Variants in PTPRT observed in about 807,000 individuals in gnomAD.
PTPRT encodes the protein protein tyrosine phosphatase receptor type T.
PTPRT carries 56 observed loss-of-function variants against 176.8 expected under a neutral mutation model. That is an observed-to-expected ratio of 0.32 (90% confidence interval 0.26 to 0.40). The LOEUF (loss-of-function observed/expected upper bound fraction) is 0.40. Among genes scored for constraint, PTPRT ranks in the 10% least tolerant of loss-of-function variants. PTPRT has a pLI of 1.00. For missense variants in PTPRT, 1,540 were observed against 1,908.2 expected, an observed-to-expected ratio of 0.81 and a Z score of 3.60; for synonymous variants, 783 against 739.0, an observed-to-expected ratio of 1.06 and a Z score of -0.96.
At chr20:42,057,510 A>C in the PTPRT span, among the ~76,000 whole-genome samples, 4 of 152,066 alleles carry the variant, frequency 2.6e-5, no homozygotes, top group African/African-American at 4.8e-5. Context: ...GATTAGATGA[A>C]CTCTAAGACA....
intron 15 of PTPRT, among the ~76,000 whole-genome samples, chr20:42,223,432 G>A (rs944391063): frequency 1.3e-5 from 2 of 152,108 alleles, no homozygotes; most frequent in Non-Finnish European, 2.9e-5. Flanking sequence ...TGCTCTTTTC[G>A]CTACAATGCT....
chr20:42,402,521 G>A (rs545916927), intron 9 of PTPRT, among the ~76,000 whole-genome samples: 22 of 144,266 alleles, frequency 1.5e-4, no homozygotes, highest in African/African-American at 5.3e-4. Context: ...AAAAGTCAGC[G>A]ACAGCTAAAG....
At chr20:42,270,365 C>G in intron 13 of PTPRT, 1 of 1,124,326 alleles carries the variant, frequency 8.9e-7, no homozygotes, top group African/African-American at 1.5e-5. Flanking sequence ...GGCAACTCTC[C>G]CCTCCCACCC....
At chr20:42,113,065 C>A (rs1283932765) in intron 22 of PTPRT, among the ~76,000 whole-genome samples, 8 of 152,124 alleles carry the variant, frequency 5.3e-5, no homozygotes, top group Admixed American at 3.3e-4. Flanking sequence ...TTCCAGGTTC[C>A]CAGCTCAGGA....
chr20:42,600,020 A>C (rs1451458844), intron 7 of PTPRT, among the ~76,000 whole-genome samples: 2 of 152,246 alleles, frequency 1.3e-5, no homozygotes, highest in Non-Finnish European at 1.5e-5. Context: ...GATGTAACCT[A>C]ACTAGTTCAG....
intron 2 of PTPRT, among the ~76,000 whole-genome samples, chr20:42,825,967 T>C (rs1228987608): frequency 6.6e-6 from 1 of 151,706 alleles, no homozygotes; most frequent in Non-Finnish European, 1.5e-5. Context: ...TACCTGAAAA[T>C]CTGTATAAGA....
intron 1 of PTPRT, among the ~76,000 whole-genome samples, chr20:42,894,782 A>T (rs2079264295): frequency 6.6e-6 from 1 of 152,194 alleles, no homozygotes; most frequent in Non-Finnish European, 1.5e-5. Context: ...CCAGGATGCC[A>T]ATCTGCACTT....
intron 5 of PTPRT, among the ~76,000 whole-genome samples, chr20:42,760,827 T>C (rs1188310640): frequency 6.6e-6 from 1 of 152,230 alleles, no homozygotes; most frequent in Admixed American, 6.5e-5. Flanking sequence ...GTTGATAGTC[T>C]GAGGTTTTTC....
chr20:42,850,901 A>G (rs1261102266), intron 2 of PTPRT, among the ~76,000 whole-genome samples: 1 of 152,174 alleles, frequency 6.6e-6, no homozygotes, highest in East Asian at 1.9e-4. Context: ...GAAAACTCAC[A>G]GATGGGAAAA....
At chr20:42,122,116 C>A (rs1158877678) in intron 19 of PTPRT, among the ~76,000 whole-genome samples, 1 of 152,138 alleles carries the variant, frequency 6.6e-6, no homozygotes, top group Non-Finnish European at 1.5e-5. Context: ...TATACTTCAC[C>A]ACTGTGCAAT....
intron 15 of PTPRT, among the ~76,000 whole-genome samples, chr20:42,208,176 T>C (rs4810353): frequency 0.93 from 88,630 of 95,618 alleles, 41,452 homozygotes; most frequent in Non-Finnish European, 0.99. Flanking sequence ...CGGTACCAGC[T>C]GCTGCAAAAT....
At chr20:43,082,059 T>G (rs1177808964) in intron 1 of PTPRT, among the ~76,000 whole-genome samples, 1 of 152,204 alleles carries the variant, frequency 6.6e-6, no homozygotes, top group East Asian at 1.9e-4. Context: ...CATCTGGTAT[T>G]GAAACTGCTA....
At chr20:42,639,981 T>C (rs1056308724) in intron 7 of PTPRT, among the ~76,000 whole-genome samples, 4 of 152,108 alleles carry the variant, frequency 2.6e-5, no homozygotes, top group African/African-American at 9.7e-5. Flanking sequence ...TAACCTGCCA[T>C]CTGTCAGCAG....
intron 6 of PTPRT, among the ~76,000 whole-genome samples, chr20:42,680,266 A>C (rs1167432329): frequency 6.6e-6 from 1 of 152,200 alleles, no homozygotes; most frequent in African/African-American, 2.4e-5. Flanking sequence ...CTTAAGGGAC[A>C]ACTCCAGATT....
intron 18 of PTPRT, among the ~76,000 whole-genome samples, chr20:42,139,344 G>A (rs189540041): frequency 6.6e-6 from 1 of 152,188 alleles, no homozygotes; most frequent in Non-Finnish European, 1.5e-5. Context: ...CTCCATTTGG[G>A]TTCCTCAGAA....
At chr20:43,120,437 A>T (rs1051951778) in intron 1 of PTPRT, among the ~76,000 whole-genome samples, 3 of 151,932 alleles carry the variant, frequency 2.0e-5, no homozygotes, top group African/African-American at 7.3e-5. Context: ...ACGTCCGGCT[A>T]ATTGTTTGTA....
At chr20:42,708,649 C>T (rs1007642674) in intron 6 of PTPRT, among the ~76,000 whole-genome samples, 2 of 152,226 alleles carry the variant, frequency 1.3e-5, no homozygotes, top group African/African-American at 4.8e-5. Context: ...CTTGGTCTTT[C>T]TCTTTCCATA....
chr20:42,195,713 G>A (rs537939689), intron 16 of PTPRT, among the ~76,000 whole-genome samples: 3 of 152,128 alleles, frequency 2.0e-5, no homozygotes, highest in Non-Finnish European at 4.4e-5. Flanking sequence ...TTGTTATGAT[G>A]AATGCATATA....
At chr20:42,380,236 A>G (rs1364563413) in intron 9 of PTPRT, among the ~76,000 whole-genome samples, 2 of 151,936 alleles carry the variant, frequency 1.3e-5, no homozygotes, top group African/African-American at 4.8e-5. Context: ...CTCCCTGTGG[A>G]GACTGGATCC....
Sources: allele counts gnomAD v4.1 joint callset (sites outside exome capture counted in the v4.1 genomes callset), GRCh38; gene constraint gnomAD v4.1.1; transcripts MANE v1.5; gene names NCBI Gene and HGNC (gene_info 2026-07-23, HGNC 2026-07-21).